The following GPC6 variants were observed in gnomAD, a reference collection of about 807,000 sequenced individuals.
GPC6 encodes the protein glypican-6.
A neutral mutation model predicts 55.2 loss-of-function variants in GPC6; 14 were observed. That is an observed-to-expected ratio of 0.25 (90% CI 0.17 to 0.40). The LOEUF is 0.40. Among genes scored for constraint, GPC6 ranks in the 10% least tolerant of loss-of-function variants. The probability of loss-of-function intolerance (pLI) is 1.00; values close to 1 mark genes in which losing one functional copy is unlikely to be tolerated. For synonymous variants in GPC6, 278 were observed against 259.6 expected (o/e 1.07, Z -0.68); for missense variants, 641 against 708.5 (o/e 0.90, Z 1.08).
At chr13:93,340,712 G>T (rs892411969) in intron 1 of GPC6, among the ~76,000 whole-genome samples, 2 of 152,222 alleles carry the variant, frequency 1.3e-5, no homozygotes, top group South Asian at 4.2e-4. Flanking sequence ...TAAGGTTGGA[G>T]GCCTATAGGC....
the GPC6 span, among the ~76,000 whole-genome samples, chr13:93,218,579 G>A: frequency 6.6e-6 from 1 of 152,194 alleles, no homozygotes; most frequent in Non-Finnish European, 1.5e-5. Context: ...TTTCCTCAAT[G>A]TGGAAGATGG....
At chr13:94,107,156 C>G (rs1886084298) in intron 4 of GPC6, among the ~76,000 whole-genome samples, 1 of 152,112 alleles carries the variant, frequency 6.6e-6, no homozygotes, top group South Asian at 2.1e-4. Flanking sequence ...AGCTGGTAAA[C>G]TGGGGAACGG....
intron 5 of GPC6, among the ~76,000 whole-genome samples, chr13:94,298,954 T>G (rs962442156): frequency 1.3e-5 from 2 of 152,236 alleles, no homozygotes; most frequent in Admixed American, 6.5e-5. Flanking sequence ...TATCTTTTCT[T>G]TCTCATTACA....
At chr13:94,094,335 C>T (rs1885594294) in intron 4 of GPC6, among the ~76,000 whole-genome samples, 1 of 152,126 alleles carries the variant, frequency 6.6e-6, no homozygotes, top group African/African-American at 2.4e-5. Context: ...AAAGTGTATT[C>T]ATATCTGGGT....
intron 1 of GPC6, among the ~76,000 whole-genome samples, chr13:93,387,002 T>G (rs140273159): frequency 6.6e-6 from 1 of 152,302 alleles, no homozygotes; most frequent in African/African-American, 2.4e-5. Flanking sequence ...CGATCTCAAC[T>G]AAATCCGTAA....
chr13:93,583,601 G>C (rs1877050790), intron 2 of GPC6, among the ~76,000 whole-genome samples: 2 of 152,102 alleles, frequency 1.3e-5, no homozygotes, highest in Admixed American at 6.5e-5. Flanking sequence ...ATTTTTAGTA[G>C]AGATGGAGTT....
chr13:93,457,980 A>G (rs1366628065), intron 1 of GPC6, among the ~76,000 whole-genome samples: 1 of 152,188 alleles, frequency 6.6e-6, no homozygotes, highest in African/African-American at 2.4e-5. Flanking sequence ...GGGAGGATTC[A>G]TTCCTGAAAT....
chr13:93,269,718 G>A (rs1269707535), intron 1 of GPC6, among the ~76,000 whole-genome samples: 1 of 145,544 alleles, frequency 6.9e-6, no homozygotes, highest in Non-Finnish European at 1.5e-5. Context: ...GAGGTCAGGA[G>A]ATCAAGACTA....
intron 6 of GPC6, among the ~76,000 whole-genome samples, chr13:94,343,305 A>G (rs1386038650): frequency 6.6e-6 from 1 of 152,290 alleles, no homozygotes; most frequent in East Asian, 1.9e-4. Flanking sequence ...CATAAGTGAC[A>G]CCGGCTACAT....
intron 1 of GPC6, chr13:93,395,996 C>T (rs1020583230): frequency 1.1e-4 from 17 of 152,084 alleles, no homozygotes; most frequent in African/African-American, 1.7e-4. Flanking sequence ...GGGAACTTGT[C>T]CTATATAGTT....
chr13:94,136,802 G>T (rs1887201313), intron 4 of GPC6, among the ~76,000 whole-genome samples: 1 of 152,212 alleles, frequency 6.6e-6, no homozygotes, highest in Non-Finnish European at 1.5e-5. Flanking sequence ...CCATGAGATT[G>T]TGTTTCAGAA....
In GPC6 at chr13:93,365,332, C is replaced by T. The variant is rs1006768832; in HGVS notation, c.160+137716C>T. On this transcript the variant is annotated intron_variant, in intron 1 of 8. Coordinates refer to ENST00000377047, the MANE Select transcript of GPC6 (RefSeq NM_005708.5). ...CTAGTCATATGCTAAGTTTGATCAA[C>T]CTGATTTGGTAGGTCCTGTATAAGA... Among the ~76,000 whole-genome samples, 3 of 152,046 alleles carry T rather than the reference C, an allele frequency of 2.0e-5. No homozygotes were observed. In the South Asian group the frequency reaches 6.2e-4, roughly 31 times the overall value.
chr13:93,762,069 A>G (rs1884972106), intron 2 of GPC6, among the ~76,000 whole-genome samples: 1 of 151,790 alleles, frequency 6.6e-6, no homozygotes, highest in Non-Finnish European at 1.5e-5. Flanking sequence ...TCACTGTTCT[A>G]CTCTCAATCT....
At chr13:94,260,593 T>A (rs1322317356) in intron 4 of GPC6, among the ~76,000 whole-genome samples, 1 of 152,180 alleles carries the variant, frequency 6.6e-6, no homozygotes, top group East Asian at 1.9e-4. Flanking sequence ...CATTTTACTT[T>A]AATCAGCCCT....
chr13:93,983,154 GAA>G (rs1880879102), intron 3 of GPC6, among the ~76,000 whole-genome samples: 1 of 152,186 alleles, frequency 6.6e-6, no homozygotes, highest in Non-Finnish European at 1.5e-5. Context: ...TAAGAGAAGA[GAA>G]AGACTTTCAC....
intron 3 of GPC6, among the ~76,000 whole-genome samples, chr13:93,972,690 A>G (rs1345766900): frequency 6.6e-6 from 1 of 152,162 alleles, no homozygotes; most frequent in Non-Finnish European, 1.5e-5. Flanking sequence ...GTCCTACTGC[A>G]TCATTTTCCT....
At chr13:93,958,470 C>T (rs1269387613) in intron 3 of GPC6, among the ~76,000 whole-genome samples, 2 of 152,014 alleles carry the variant, frequency 1.3e-5, no homozygotes, top group Non-Finnish European at 2.9e-5. Context: ...TCCCATTGCT[C>T]GTTTCTGTTG....
At chr13:93,676,120 AAAAAAAATATATATATATATAT>A (rs1223266795) in intron 2 of GPC6, among the ~76,000 whole-genome samples, 3 of 13,290 alleles carry the variant, frequency 2.3e-4, no homozygotes, top group African/African-American at 5.7e-4. Context: ...AAAAAAAAAA[AAAAAAAATATATATATATATAT>A]ATATATATAT....
intron 4 of GPC6, among the ~76,000 whole-genome samples, chr13:94,084,333 TAC>T (rs1253139310): frequency 6.6e-6 from 1 of 152,196 alleles, no homozygotes; most frequent in Non-Finnish European, 1.5e-5. Context: ...TTCTCCCTTC[TAC>T]ACAGTGTTTC....
Sources: gnomAD v4.1 joint callset for allele counts (sites outside exome capture counted in the v4.1 genomes callset) on GRCh38, gnomAD v4.1.1 for gene constraint, MANE v1.5 for transcripts, NCBI Gene and HGNC (gene_info 2026-07-23, HGNC 2026-07-21) for gene names.